SULT1E1: variants seen among roughly 807,000 people sequenced by gnomAD.
SULT1E1 encodes the protein sulfotransferase family 1E member 1.
A neutral mutation model predicts 33.6 loss-of-function variants in SULT1E1; 36 were observed. The ratio of observed to expected loss-of-function variants is 1.07; its 90% CI spans 0.82 to 1.41. SULT1E1 has a LOEUF of 1.41. SULT1E1 is among the 40% of genes most tolerant of loss of function. SULT1E1 has a pLI of 0.00. For missense variants in SULT1E1, 371 were observed against 345.7 expected (o/e 1.07, Z -0.58); for synonymous variants, 121 against 111.7 (o/e 1.08, Z -0.53).
chr4:69,853,154 T>A (rs1040885159), intron 4 of SULT1E1, among the ~76,000 whole-genome samples: 8 of 152,162 alleles, frequency 5.3e-5, no homozygotes, highest in Admixed American at 2.6e-4. Context: ...ATATCCCCTT[T>A]TTGTTAGTGA....
At chr4:69,857,695 A>G in intron 1 of SULT1E1, 42 bp from the exon 2 acceptor site, 2 of 1,521,408 alleles carry the variant, frequency 1.3e-6, no homozygotes, top group South Asian at 2.7e-5. Flanking sequence ...TGTACTTAAC[A>G]ATATTTCACC....
intron 7 of SULT1E1, among the ~76,000 whole-genome samples, chr4:69,842,835 T>G (rs941578976): frequency 2.9e-4 from 44 of 152,060 alleles, no homozygotes; most frequent in African/African-American, 1.1e-3. Flanking sequence ...TTCATCTTTT[T>G]TTTTTTTCTT....
At chr4:69,834,112 A>G in the SULT1E1 span, among the ~76,000 whole-genome samples, 19 of 152,090 alleles carry the variant, frequency 1.2e-4, no homozygotes, top group Non-Finnish European at 2.5e-4. Flanking sequence ...ACATATTGGT[A>G]ATTATCCAGA....
At chr4:69,835,303 T>C in the SULT1E1 span, among the ~76,000 whole-genome samples, 1 of 152,208 alleles carries the variant, frequency 6.6e-6, no homozygotes, top group Non-Finnish European at 1.5e-5. Flanking sequence ...TTAGAGTTGA[T>C]TGTTTAATTT....
At chr4:69,825,608 A>T in the SULT1E1 span, among the ~76,000 whole-genome samples, 1 of 152,090 alleles carries the variant, frequency 6.6e-6, no homozygotes, top group Non-Finnish European at 1.5e-5. Context: ...CGACTCTCGG[A>T]GTTGGGAGCA....
At chr4:69,851,725 A>G (rs531581798) in intron 4 of SULT1E1, among the ~76,000 whole-genome samples, 1 of 152,336 alleles carries the variant, frequency 6.6e-6, no homozygotes, top group East Asian at 1.9e-4. Context: ...GAACCAACCC[A>G]AATATCCAAC....
rs1222337781 is a variant in SULT1E1 at position 69,842,256 on chromosome 4, C to A, written c.773-150G>T. On this transcript the variant is annotated intron_variant, in intron 7 of 7. Transcript: ENST00000226444. ...TCAAATGTATACCTTTAATGATATA[C>A]TTTTTTGGGCTTACAAAGATGGATT... 11 of 537,040 alleles carry A rather than the reference C, an allele frequency of 2.0e-5. 1 individual carries two copies. The allele number at this position is 537,040 out of a possible 1,614,324, so 33.3% of individuals were successfully genotyped here.
intron 2 of SULT1E1, among the ~76,000 whole-genome samples, chr4:69,857,188 C>T (rs1195885899): frequency 6.6e-6 from 1 of 151,936 alleles, no homozygotes; most frequent in Non-Finnish European, 1.5e-5. Context: ...GCTGTATATA[C>T]GACAACATTA....
the SULT1E1 span, among the ~76,000 whole-genome samples, chr4:69,824,950 T>G: frequency 1.3e-5 from 2 of 152,188 alleles, no homozygotes; most frequent in African/African-American, 4.8e-5. Flanking sequence ...TGCTCACTCT[T>G]TGGGTTGCTC....
At chr4:69,831,450 G>C in the SULT1E1 span, among the ~76,000 whole-genome samples, 2 of 152,090 alleles carry the variant, frequency 1.3e-5, no homozygotes, top group Non-Finnish European at 2.9e-5. Context: ...CCCCGACCCT[G>C]GTCACCACCT....
the SULT1E1 span, among the ~76,000 whole-genome samples, chr4:69,824,539 G>A: frequency 2.0e-5 from 3 of 152,252 alleles, no homozygotes; most frequent in Non-Finnish European, 2.9e-5. Context: ...GGATCCAGAC[G>A]CAGCAGAACC....
chr4:69,822,712 T>G, the SULT1E1 span, among the ~76,000 whole-genome samples: 1 of 152,214 alleles, frequency 6.6e-6, no homozygotes, highest in African/African-American at 2.4e-5. Context: ...TCTTGTTTTA[T>G]GGTCACTTAA....
At chr4:69,821,368 C>T in the SULT1E1 span, among the ~76,000 whole-genome samples, 1 of 152,046 alleles carries the variant, frequency 6.6e-6, no homozygotes, top group African/African-American at 2.4e-5. Context: ...ATTATTTTTC[C>T]ATACACTATA....
chr4:69,859,324 T>C (rs114580710), intron 1 of SULT1E1, among the ~76,000 whole-genome samples: 1 of 152,208 alleles, frequency 6.6e-6, no homozygotes, highest in East Asian at 1.9e-4. Context: ...CCTATGTGAA[T>C]GCCTACCCTT....
At chr4:69,846,334 GA>G (rs1194839663) in intron 6 of SULT1E1, among the ~76,000 whole-genome samples, 2 of 143,732 alleles carry the variant, frequency 1.4e-5, no homozygotes, top group Middle Eastern at 3.9e-3. Context: ...AAAAGAAAAG[GA>G]AAAAAACTGC....
At chr4:69,850,023 A>T (rs190495095) in intron 4 of SULT1E1, among the ~76,000 whole-genome samples, 3 of 151,014 alleles carry the variant, frequency 2.0e-5, no homozygotes, top group Admixed American at 1.3e-4. Context: ...CCACATAATT[A>T]AAAAAAAATA....
Position 69,844,202 on chromosome 4 carries a change from T to C in SULT1E1, c.731A>G (p.Asp244Gly). Residue 244 changes from aspartate to glycine, a missense_variant, in exon 7 of 8, where the codon GAC becomes GGC. Coordinates refer to ENST00000226444, the MANE Select transcript of SULT1E1 (RefSeq NM_005420.3). ...NPSTNYTTLPDEIMNQKLSPF... is the reference protein window; with the variant it reads ...NPSTNYTTLPGEIMNQKLSPF... ...CGACAATTTCTGGTTCATAATTTCG[T>C]CTGGCAGTGTTGTGTAATTTGTGGA... 1 of 1,613,994 alleles carries C rather than the reference T, an allele frequency of 6.2e-7. No individual in the cohort carries two copies. Among genetic ancestry groups the C allele is most frequent in the Non-Finnish European group, 8.5e-7 (1 of 1,179,920 alleles).
downstream of SULT1E1, among the ~76,000 whole-genome samples, chr4:69,837,778 A>G (rs1282851126): frequency 1.3e-5 from 2 of 152,106 alleles, no homozygotes; most frequent in African/African-American, 4.8e-5. Context: ...CAGACCTCCC[A>G]CCTTGACCTC....
At chr4:69,855,278 T>G in intron 3 of SULT1E1, 23 bp downstream of exon 3, 1 of 1,605,382 alleles carries the variant, frequency 6.2e-7, no homozygotes, top group Middle Eastern at 1.8e-4. Context: ...GCAAATAGTT[T>G]TTAAAATCAA....
Sources: gnomAD v4.1 joint callset for allele counts (sites outside exome capture counted in the v4.1 genomes callset) on GRCh38, gnomAD v4.1.1 for gene constraint, MANE v1.5 for transcripts, NCBI Gene and HGNC (gene_info 2026-07-23, HGNC 2026-07-21) for gene names.